The following TP63 variants were observed in gnomAD, a reference collection of about 807,000 sequenced individuals.
The protein encoded by TP63 is tumor protein p63.
TP63 carries 17 observed loss-of-function variants against 82.8 expected under a neutral mutation model. The ratio of observed to expected loss-of-function variants is 0.21; its 90% CI spans 0.14 to 0.31. The LOEUF (loss-of-function observed/expected upper bound fraction) is 0.31. Ranked by LOEUF, TP63 falls within the 10% of genes least tolerant of loss-of-function variation. TP63 has a pLI of 1.00. For synonymous variants in TP63, 330 were observed against 321.7 expected (o/e 1.03, Z -0.28); for missense variants, 648 against 895.3 (o/e 0.72, Z 3.52).
rs796099085 is a variant in TP63, at chr3:189,801,854, G to C, written c.325-6418G>C. Among the ~76,000 whole-genome samples the C allele has an allele frequency of 3.4e-4, 51 of 152,180 alleles. 1 individual carries two copies. Among genetic ancestry groups the C allele is most frequent in the African/African-American group, 1.2e-3 (50 of 41,516 alleles). On this transcript the variant is annotated intron_variant, in intron 3 of 13. Coordinates refer to ENST00000264731, the MANE Select transcript of TP63 (RefSeq NM_003722.5). ...ACTTTATTCTTATATTTTGTTCTTT[G>C]TATGAGTATATATTAAGTATTCACT... is the stretch of plus-strand genomic sequence containing the variant.
chr3:189,848,239 T>TTCTCTCTCTCCCTCTCTCTCTCTCTC (rs1715153281), intron 4 of TP63, among the ~76,000 whole-genome samples: 1 of 95,984 alleles, frequency 1.0e-5, no homozygotes, highest in East Asian at 2.8e-4. Context: ...CTCCTCCTCC[T>TTCTCTCTCTCCCTCTCTCTCTCTCTC]TCTCTCTCTC....
At chr3:189,715,073 C>T (rs1195725807) in intron 1 of TP63, among the ~76,000 whole-genome samples, 1 of 152,016 alleles carries the variant, frequency 6.6e-6, no homozygotes, top group Non-Finnish European at 1.5e-5. Context: ...CAGATGTGGC[C>T]CTAAAATTAC....
At chr3:189,878,593 C>CTT (rs11333832) in intron 10 of TP63, among the ~76,000 whole-genome samples, 6 of 130,372 alleles carry the variant, frequency 4.6e-5, no homozygotes, top group East Asian at 2.1e-4. Context: ...TTTTTTTTTT[C>CTT]TTTTTTTTTT....
At chr3:189,712,550 C>G (rs1029474755) in intron 1 of TP63, among the ~76,000 whole-genome samples, 28 of 152,082 alleles carry the variant, frequency 1.8e-4, no homozygotes, top group Non-Finnish European at 3.7e-4. Flanking sequence ...CACACAGCAG[C>G]TCTTTGAGGC....
chr3:189,882,398 C>G (rs1472719303), intron 10 of TP63, among the ~76,000 whole-genome samples: 1 of 151,678 alleles, frequency 6.6e-6, no homozygotes, highest in Non-Finnish European at 1.5e-5. Flanking sequence ...AGAAAGGTCA[C>G]AGGTAGGCAG....
chr3:189,865,864 G>A (rs946389847), intron 5 of TP63, among the ~76,000 whole-genome samples: 3 of 152,042 alleles, frequency 2.0e-5, no homozygotes, highest in African/African-American at 4.8e-5. Flanking sequence ...ATTTGTAAGC[G>A]TTTTCCCATT....
intron 3 of TP63, among the ~76,000 whole-genome samples, chr3:189,762,164 A>G (rs1290242943): frequency 2.0e-5 from 3 of 152,258 alleles, no homozygotes; most frequent in South Asian, 2.1e-4. Context: ...GGAAGAGGAA[A>G]GATCTAGTTA....
intron 3 of TP63, among the ~76,000 whole-genome samples, chr3:189,751,081 G>T (rs1418641495): frequency 6.6e-6 from 1 of 152,118 alleles, no homozygotes; most frequent in Non-Finnish European, 1.5e-5. Flanking sequence ...TTGGTTTTCT[G>T]TCTTTGTGAT....
In TP63 at chr3:189,804,084, T is replaced by TG. The variant is rs201199613; in HGVS notation, c.325-4183dup. Among the ~76,000 whole-genome samples, 1,008 of 152,312 alleles carry TG rather than the reference T, an allele frequency of 6.6e-3. 8 individuals are homozygous for TG. The highest frequency in any genetic ancestry group is 0.023 in the African/African-American group (966 of 41,562). On this transcript the variant is annotated intron_variant, in intron 3 of 13. Coordinates refer to ENST00000264731, the MANE Select transcript of TP63 (RefSeq NM_003722.5). ...CTAAGAAATACATGCATATGGGACA[T>TG]GGGGGCTCTATGGAGTTCTTCCAAA...
At chr3:189,884,186 C>T (rs1228673491) in intron 10 of TP63, among the ~76,000 whole-genome samples, 2 of 152,154 alleles carry the variant, frequency 1.3e-5, no homozygotes, top group Non-Finnish European at 2.9e-5. Flanking sequence ...CTCCTTACTG[C>T]CTTGCCCCAA....
rs145522661 is a variant in TP63, at chr3:189,890,187, G to A, written c.1653-602G>A. On this transcript the variant is annotated intron_variant, in intron 12 of 13. Coordinates refer to ENST00000264731, the MANE Select transcript of TP63 (RefSeq NM_003722.5). ...CGATTTGTGTTGATTTTCCTGCTAC[G>A]TCAATCACAGGGATGGCAAAGTGCG... Among the ~76,000 whole-genome samples, 14 of 152,208 alleles carry A rather than the reference G, an allele frequency of 9.2e-5. No individual in the cohort carries two copies. The East Asian group carries it at 1.2e-3, about 13-fold the overall frequency.
chr3:189,723,292 C>T (rs1719529290), intron 1 of TP63, among the ~76,000 whole-genome samples: 1 of 152,168 alleles, frequency 6.6e-6, no homozygotes, highest in East Asian at 1.9e-4. Context: ...AGACTAGGGA[C>T]TCTGAAGCCA....
chr3:189,727,308 T>G (rs1286335675), intron 1 of TP63, among the ~76,000 whole-genome samples: 1 of 152,244 alleles, frequency 6.6e-6, no homozygotes, highest in Admixed American at 6.5e-5. Context: ...GAGAAAAGGT[T>G]GAAGGCCACT....
At chr3:189,706,383 A>G (rs557568756) in intron 1 of TP63, among the ~76,000 whole-genome samples, 1 of 151,992 alleles carries the variant, frequency 6.6e-6, no homozygotes, top group East Asian at 1.9e-4. Flanking sequence ...CAGCCTCCCA[A>G]GTAGTGGGAT....
In TP63 at chr3:189,738,922, G is replaced by T. The variant is rs1720787994; in HGVS notation, c.324+148G>T. ...GAGTCTATGTTGTTAGCTGAGAGAA[G>T]ATTTGGTGTGGATTATGCATTCTGG... is the stretch of plus-strand genomic sequence containing the variant. On this transcript the variant is annotated intron_variant, in intron 3 of 13. Transcript: ENST00000264731. 3 of 1,217,156 alleles carry T rather than the reference G, an allele frequency of 2.5e-6. No individual in the cohort carries two copies. The East Asian group carries it at 7.7e-5, about 31-fold the overall frequency. The allele number at this position is 1,217,156 out of a possible 1,614,324, so 75.4% of individuals were successfully genotyped here.
At chr3:189,735,310 T>A (rs1053749204) in intron 1 of TP63, among the ~76,000 whole-genome samples, 2 of 152,214 alleles carry the variant, frequency 1.3e-5, no homozygotes, top group African/African-American at 4.8e-5. Context: ...GAGGAAGATT[T>A]CTGTTTCTAA....
chr3:189,685,318 T>C (rs765497383), intron 1 of TP63, among the ~76,000 whole-genome samples: 16 of 152,174 alleles, frequency 1.1e-4, no homozygotes, highest in Non-Finnish European at 2.2e-4. Flanking sequence ...TAGGTTGATG[T>C]TTCTCCCTTT....
chr3:189,789,730 G>GAGA, intron 3 of TP63: 3 of 1,288,394 alleles, frequency 2.3e-6, no homozygotes, highest in African/African-American at 2.8e-5. Context: ...TAAGGGTCTC[G>GAGA]GGGTGGGGGG....
chr3:189,850,870 GATT>G (rs1324494353), intron 4 of TP63, among the ~76,000 whole-genome samples: 1 of 152,110 alleles, frequency 6.6e-6, no homozygotes, highest in African/African-American at 2.4e-5. Context: ...AGAACTTAAT[GATT>G]ATTAATAGAT....
Sources: gnomAD v4.1 joint callset for allele counts (sites outside exome capture counted in the v4.1 genomes callset) on GRCh38, gnomAD v4.1.1 for gene constraint, MANE v1.5 for transcripts, NCBI Gene and HGNC (gene_info 2026-07-23, HGNC 2026-07-21) for gene names.